YIPF7: variants seen among roughly 807,000 people sequenced by gnomAD.
The protein encoded by YIPF7 is protein YIPF7.
In YIPF7, 35 loss-of-function variants were observed where a neutral mutation model predicts 27.2. That is an observed-to-expected ratio of 1.29 (90% CI 0.98 to 1.70). The LOEUF is 1.70. YIPF7 is among the 40% of genes most tolerant of loss of function. The pLI, the probability that YIPF7 is intolerant of heterozygous loss-of-function variation, is 0.00. For missense variants in YIPF7, 358 were observed against 303.7 expected (o/e 1.18, Z -1.33); for synonymous variants, 137 against 110.4 (o/e 1.24, Z -1.51).
chr4:44,650,501 GCGCGCGCA>G (rs1360680777), intron 1 of YIPF7, among the ~76,000 whole-genome samples: 17 of 63,564 alleles, frequency 2.7e-4, no homozygotes, highest in African/African-American at 9.1e-4. Context: ...ACATGCGCGC[GCGCGCGCA>G]CACACACACA....
At chr4:44,644,684 G>C (rs1341051555) in intron 2 of YIPF7, among the ~76,000 whole-genome samples, 3 of 152,118 alleles carry the variant, frequency 2.0e-5, no homozygotes, top group African/African-American at 7.2e-5. Context: ...TAAGACTTTG[G>C]GGAACTGTTG....
At chr4:44,642,788 C>T (rs772132006) in intron 2 of YIPF7, among the ~76,000 whole-genome samples, 1 of 152,200 alleles carries the variant, frequency 6.6e-6, no homozygotes, top group African/African-American at 2.4e-5. Flanking sequence ...AGATGACGCT[C>T]CTGTGCCTTC....
At chr4:44,635,810 A>G in intron 3 of YIPF7, 112 bp downstream of exon 3, 1 of 1,243,040 alleles carries the variant, frequency 8.0e-7, no homozygotes, top group Non-Finnish European at 1.1e-6. Context: ...TTATATGTGA[A>G]ACAATCAAAC....
intron 3 of YIPF7, among the ~76,000 whole-genome samples, chr4:44,633,979 T>TAGAA (rs1713013761): frequency 6.6e-6 from 1 of 151,998 alleles, no homozygotes; most frequent in Admixed American, 6.6e-5. Context: ...GGAAGTGGAG[T>TAGAA]AGAACACCAT....
At chr4:44,638,151 C>T (rs998885240) in intron 2 of YIPF7, among the ~76,000 whole-genome samples, 13 of 149,206 alleles carry the variant, frequency 8.7e-5, no homozygotes, top group African/African-American at 3.0e-4. Flanking sequence ...TACCACCTTA[C>T]TCCTTGCCCA....
At chr4:44,645,548 A>C (rs534405140) in intron 2 of YIPF7, among the ~76,000 whole-genome samples, 86 of 152,336 alleles carry the variant, frequency 5.6e-4, no homozygotes, top group African/African-American at 2.0e-3. Context: ...ACTTTTGCAG[A>C]ATATGCCAAG....
intron 2 of YIPF7, among the ~76,000 whole-genome samples, chr4:44,637,649 T>G (rs892143341): frequency 6.6e-6 from 1 of 152,170 alleles, no homozygotes. Context: ...GTTACATGAG[T>G]AAGTTCTTTA....
intron 2 of YIPF7, among the ~76,000 whole-genome samples, chr4:44,643,095 A>G (rs1010150103): frequency 6.6e-6 from 1 of 152,160 alleles, no homozygotes; most frequent in African/African-American, 2.4e-5. Flanking sequence ...AAAATTTGGA[A>G]CTTCCTAAAG....
At chr4:44,650,505 G>GCACACACACA (rs150789716) in intron 1 of YIPF7, among the ~76,000 whole-genome samples, 52 of 122,368 alleles carry the variant, frequency 4.2e-4, no homozygotes, top group African/African-American at 1.5e-3. Context: ...GCGCGCGCGC[G>GCACACACACA]CGCACACACA....
At chr4:44,658,060 A>T (rs1248432866) in intron 2 of YIPF7, among the ~76,000 whole-genome samples, 1 of 152,126 alleles carries the variant, frequency 6.6e-6, no homozygotes, top group East Asian at 1.9e-4. Context: ...CTTTATAAAA[A>T]ATAAATAAAT....
intron 4 of YIPF7, among the ~76,000 whole-genome samples, chr4:44,625,703 C>T (rs1712611803): frequency 6.6e-6 from 1 of 152,158 alleles, no homozygotes; most frequent in African/African-American, 2.4e-5. Context: ...TTTGTGAATA[C>T]AAGCCCCAAT....
At chr4:44,638,213 T>A (rs1178351752) in intron 2 of YIPF7, among the ~76,000 whole-genome samples, 1 of 63,368 alleles carries the variant, frequency 1.6e-5, no homozygotes, top group Non-Finnish European at 3.2e-5. Flanking sequence ...TTCAGGATTT[T>A]TTTTTTTTTT....
At chr4:44,635,860 G>A (rs1486005789) in intron 3 of YIPF7, 62 bp downstream of exon 3, 2 of 1,557,324 alleles carry the variant, frequency 1.3e-6, no homozygotes, top group Non-Finnish European at 8.8e-7. Context: ...CACACATTAA[G>A]TGCTAATTAT....
chr4:44,653,541 A>T (rs536603823), upstream of YIPF7, among the ~76,000 whole-genome samples: 5 of 152,274 alleles, frequency 3.3e-5, no homozygotes, highest in East Asian at 9.7e-4. Flanking sequence ...CAGGAAAATG[A>T]TGAGTTATAT....
At position 44,629,458 on chromosome 4, in the gene YIPF7, G is replaced by A. The variant is rs756593304; in HGVS notation, c.371C>T (p.Thr124Met). The change falls in exon 4 of 6, where the codon ACG becomes ATG. Residue 124 changes from threonine (T) to methionine (M), a missense_variant. By Grantham distance (81) the Thr-to-Met change is moderately conservative (BLOSUM62 -1). Transcript: ENST00000415895. Reference sequence around the variant, plus strand: ...AAAAAGAATGGGTCCAGTGAGGTCCGTTTCATTCATAATGCTGCCATCTAC... The same window carrying A: ...AAAAAGAATGGGTCCAGTGAGGTCCATTTCATTCATAATGCTGCCATCTAC... ...KPVDGSIMNE[T>M]DLTGPILFCV... The A allele has an allele frequency of 1.1e-5, 17 of 1,599,940 alleles. No homozygotes were observed. The highest frequency in any genetic ancestry group is 2.7e-5 in the African/African-American group (2 of 74,582).
intron 3 of YIPF7, among the ~76,000 whole-genome samples, chr4:44,634,175 T>G (rs1162762195): frequency 6.6e-6 from 1 of 152,244 alleles, no homozygotes; most frequent in Admixed American, 6.5e-5. Context: ...GATAGAACTC[T>G]GTGAAACCAT....
intron 2 of YIPF7, among the ~76,000 whole-genome samples, chr4:44,642,753 C>T (rs978725457): frequency 1.3e-5 from 2 of 152,140 alleles, no homozygotes; most frequent in Non-Finnish European, 2.9e-5. Context: ...TCCCACCTCT[C>T]TCTCGATCCT....
In YIPF7 at chr4:44,622,449, G is replaced by T; in HGVS notation, c.736C>A (p.Leu246Ile). 2 of 1,613,648 alleles carry T rather than the reference G, an allele frequency of 1.2e-6. No individual in the cohort carries two copies. Among genetic ancestry groups the T allele is most frequent in the Non-Finnish European group, 1.7e-6 (2 of 1,179,722 alleles). Residue 246 changes from leucine (L) to isoleucine (I), a missense_variant, in exon 6 of 6, where the codon CTT becomes ATT. Transcript: ENST00000415895. ...GTTAGGAGGGCAAAAAGTCCATAAA[G>T]TATGGCACAAGGGTAGGCAACAAGA... ...QLLVAYPCAI[L>I]YGLFALLTIF
Position 44,651,541 on chromosome 4 carries a change from A to G in YIPF7, c.-2+13T>C. The G allele has an allele frequency of 6.4e-7, 1 of 1,559,658 alleles. No homozygotes were observed. Among genetic ancestry groups the G allele is most frequent in the Non-Finnish European group, 8.7e-7 (1 of 1,149,520 alleles). ...TTTAAATGCCAAGTCTTTTAGAAGG[A>G]TCAGACACATACCTCTGTTTATTTT... On this transcript the variant is annotated intron_variant, in intron 1 of 5. Transcript: ENST00000415895.
Sources: allele counts gnomAD v4.1 joint callset (sites outside exome capture counted in the v4.1 genomes callset), GRCh38; gene constraint gnomAD v4.1.1; transcripts MANE v1.5; gene names NCBI Gene and HGNC (gene_info 2026-07-23, HGNC 2026-07-21).